The following SUGCT variants were observed in gnomAD, a reference collection of about 807,000 sequenced individuals.
SUGCT encodes succinyl-CoA:glutarate-CoA transferase.
In SUGCT, 41 loss-of-function variants were observed where a neutral mutation model predicts 55.0. That is an observed-to-expected ratio of 0.74 (90% CI 0.58 to 0.97). The LOEUF (loss-of-function observed/expected upper bound fraction) is 0.97, where lower values mean the gene tolerates loss of function less well. SUGCT is among the 50% of genes least tolerant of loss of function. The pLI, the probability that SUGCT is intolerant of heterozygous loss-of-function variation, is 0.00. For missense variants in SUGCT, 568 were observed against 547.8 expected (o/e 1.04, Z -0.37); for synonymous variants, 187 against 200.4 (o/e 0.93, Z 0.56).
intron 12 of SUGCT, among the ~76,000 whole-genome samples, chr7:40,616,428 C>G (rs894448000): frequency 6.6e-6 from 1 of 152,098 alleles, no homozygotes; most frequent in South Asian, 2.1e-4. Context: ...GTGATCTACC[C>G]GCCTCAGCCT....
the SUGCT span, among the ~76,000 whole-genome samples, chr7:41,012,092 A>G: frequency 6.6e-6 from 1 of 152,174 alleles, no homozygotes; most frequent in African/African-American, 2.4e-5. Context: ...TTTGCCATTC[A>G]GCTGGAAAAA....
chr7:40,632,152 A>G (rs1183354088), intron 12 of SUGCT, among the ~76,000 whole-genome samples: 2 of 152,094 alleles, frequency 1.3e-5, no homozygotes, highest in East Asian at 3.9e-4. Context: ...GCACAGGTGG[A>G]CCCTCAGGAT....
At chr7:40,680,822 G>A (rs756574169) in intron 12 of SUGCT, among the ~76,000 whole-genome samples, 3 of 152,186 alleles carry the variant, frequency 2.0e-5, no homozygotes, top group Non-Finnish European at 2.9e-5. Flanking sequence ...GGGGTTGGCA[G>A]TCTTCTAAAG....
chr7:40,808,652 T>G (rs2128755396), intron 13 of SUGCT, among the ~76,000 whole-genome samples: 1 of 152,342 alleles, frequency 6.6e-6, no homozygotes, highest in African/African-American at 2.4e-5. Context: ...CCAAGGGCCT[T>G]TTGATCTTTA....
chr7:40,977,071 T>C, the SUGCT span, among the ~76,000 whole-genome samples: 1 of 152,230 alleles, frequency 6.6e-6, no homozygotes, highest in Non-Finnish European at 1.5e-5. Context: ...GAAAATAGGC[T>C]GACTAGCAAT....
chr7:40,372,143 G>T (rs1001774313), intron 9 of SUGCT, among the ~76,000 whole-genome samples: 2 of 151,528 alleles, frequency 1.3e-5, no homozygotes, highest in African/African-American at 4.8e-5. Context: ...TTTTTTTGAC[G>T]CTCTTCCTGT....
intron 7 of SUGCT, among the ~76,000 whole-genome samples, chr7:40,242,962 T>G (rs1350184569): frequency 8.7e-5 from 9 of 103,258 alleles, no homozygotes; most frequent in African/African-American, 1.2e-4. Context: ...TTTTTTTTTT[T>G]GAGACAAGGT....
At chr7:40,210,714 A>G (rs371157044) in intron 6 of SUGCT, among the ~76,000 whole-genome samples, 26 of 152,158 alleles carry the variant, frequency 1.7e-4, no homozygotes, top group African/African-American at 4.3e-4. Context: ...TCGTTCCCCT[A>G]TTTGCTAGGG....
intron 9 of SUGCT, among the ~76,000 whole-genome samples, chr7:40,318,331 A>T (rs892095739): frequency 3.3e-5 from 5 of 151,236 alleles, no homozygotes; most frequent in African/African-American, 9.7e-5. Flanking sequence ...AACTAAATTT[A>T]TACTCGTCAT....
chr7:40,466,626 C>G (rs1790124703), intron 11 of SUGCT, among the ~76,000 whole-genome samples: 1 of 152,160 alleles, frequency 6.6e-6, no homozygotes, highest in African/African-American at 2.4e-5. Context: ...TAAATGTTCT[C>G]TCAGTCAGTG....
At chr7:40,217,456 C>T (rs1787735782) in intron 6 of SUGCT, 2 of 445,400 alleles carry the variant, frequency 4.5e-6, no homozygotes, top group African/African-American at 2.0e-5. Flanking sequence ...AAGCAATCTG[C>T]CGGCTCTGGT....
At chr7:40,212,638 G>A (rs1364861127) in intron 6 of SUGCT, among the ~76,000 whole-genome samples, 3 of 152,032 alleles carry the variant, frequency 2.0e-5, no homozygotes, top group African/African-American at 4.8e-5. Flanking sequence ...GGGTTAAAGC[G>A]ATTCTCCTGC....
chr7:40,432,715 TC>T (rs1042248016), intron 9 of SUGCT, among the ~76,000 whole-genome samples: 1 of 131,332 alleles, frequency 7.6e-6, no homozygotes, highest in African/African-American at 2.8e-5. Flanking sequence ...AAAAAAAAAA[TC>T]AAAATTCTCC....
intron 13 of SUGCT, among the ~76,000 whole-genome samples, chr7:40,787,660 CAAAAA>C (rs55764379): frequency 2.3e-4 from 11 of 48,414 alleles, no homozygotes; most frequent in African/African-American, 3.6e-4. Context: ...AAATTTTGAC[CAAAAA>C]AAAAAAAAAA....
At chr7:40,887,290 A>C in the SUGCT span, among the ~76,000 whole-genome samples, 1 of 152,182 alleles carries the variant, frequency 6.6e-6, no homozygotes, top group African/African-American at 2.4e-5. Flanking sequence ...AGTCAGAAAG[A>C]CCATACATAT....
chr7:40,190,389 A>G (rs1391806321), intron 5 of SUGCT, among the ~76,000 whole-genome samples: 1 of 152,070 alleles, frequency 6.6e-6, no homozygotes, highest in Non-Finnish European at 1.5e-5. Flanking sequence ...AGCTGGGATT[A>G]CAGGTGTGCA....
chr7:40,853,323 TG>T (rs1357517690), intron 13 of SUGCT, among the ~76,000 whole-genome samples: 1 of 152,162 alleles, frequency 6.6e-6, no homozygotes, highest in Non-Finnish European at 1.5e-5. Flanking sequence ...TCAACAAATT[TG>T]TATTGATTGA....
In SUGCT at chr7:40,180,813, T is replaced by C. The variant is rs7778061; in HGVS notation, c.101-134T>C. On this transcript the variant is annotated intron_variant, in intron 1 of 13. Transcript: ENST00000335693. ...GAGCTTCCAGTATTCTTTACTAGAG[T>C]CTTGTGGTCTGTGGACTCCCTTGCT... 0.51 allele frequency: 341,325 copies of C among 665,144 alleles called. 91,785 individuals carry two copies. Among genetic ancestry groups the C allele is most frequent in the African/African-American group, 0.82 (44,817 of 54,454 alleles). 41.2% of individuals were successfully genotyped at this position (665,144 alleles called of 1,614,324 possible). A position where few individuals can be genotyped will look rare whatever the true frequency, so the allele number is the denominator to read the frequency against.
At chr7:40,804,117 C>T (rs1380276218) in intron 13 of SUGCT, among the ~76,000 whole-genome samples, 1 of 152,088 alleles carries the variant, frequency 6.6e-6, no homozygotes, top group East Asian at 1.9e-4. Flanking sequence ...AATTGATTAT[C>T]GCCTTACAAA....
Sources: gnomAD v4.1 joint callset for allele counts (sites outside exome capture counted in the v4.1 genomes callset) on GRCh38, gnomAD v4.1.1 for gene constraint, MANE v1.5 for transcripts, NCBI Gene and HGNC (gene_info 2026-07-23, HGNC 2026-07-21) for gene names.